The following SAXO4 variants were observed in gnomAD, a reference collection of about 807,000 sequenced individuals.
The protein encoded by SAXO4 is protein phosphatase 1 regulatory subunit 32.
chr11:61,482,885 C>G, the SAXO4 span: 1 of 1,442,608 alleles, frequency 6.9e-7, no homozygotes, highest in Non-Finnish European at 9.1e-7. Flanking sequence ...AACAGTTGGT[C>G]AAGGTGGAGG....
the SAXO4 span, chr11:61,482,053 C>T: frequency 1.4e-6 from 1 of 700,138 alleles, no homozygotes; most frequent in Non-Finnish European, 2.4e-6. Flanking sequence ...CTGGGCCCTG[C>T]CCGGCTGCTC....
the SAXO4 span, chr11:61,481,706 G>A: frequency 5.3e-6 from 3 of 564,786 alleles, no homozygotes; most frequent in East Asian, 3.4e-5. Flanking sequence ...TGTGGGTGGT[G>A]GGGGGCAGAT....
chr11:61,485,354 C>T, the SAXO4 span: 27 of 1,613,918 alleles, frequency 1.7e-5, no homozygotes, highest in Admixed American at 5.0e-5. Context: ...CGCTTCATGA[C>T]GTCGGAGTAC....
chr11:61,486,026 G>A, the SAXO4 span: 63 of 752,904 alleles, frequency 8.4e-5, no homozygotes, highest in South Asian at 1.7e-4. Context: ...AACACAAGAC[G>A]AAAGAGCTTA....
chr11:61,482,747 T>C, the SAXO4 span: 2 of 1,613,852 alleles, frequency 1.2e-6, no homozygotes, highest in East Asian at 2.2e-5. Context: ...CCCTGGAGCA[T>C]GCGCCAGACC....
At chr11:61,481,407 ATTCATTCCGAGAGGTGGGTATGTAAGG>A in the SAXO4 span, among the ~76,000 whole-genome samples, 1 of 152,132 alleles carries the variant, frequency 6.6e-6, no homozygotes. Context: ...TTGTCGGCTC[ATTCATTCCGAGAGGTGGGTATGTAAGG>A]TTCAGGTCAG....
chr11:61,489,829 G>A, the SAXO4 span: 7 of 1,613,818 alleles, frequency 4.3e-6, no homozygotes, highest in South Asian at 2.2e-5. Context: ...GGCTGGACTC[G>A]AGGTGGCATC....
the SAXO4 span, chr11:61,489,599 G>A: frequency 1.6e-6 from 1 of 638,618 alleles, no homozygotes; most frequent in South Asian, 1.8e-5. Context: ...TCAGGTGGAG[G>A]GGAGGGCAGG....
At chr11:61,482,664 C>A in the SAXO4 span, 1 of 1,614,064 alleles carries the variant, frequency 6.2e-7, no homozygotes, top group Non-Finnish European at 8.5e-7. Flanking sequence ...GGGAACAAGC[C>A]CAGGACCATT....
the SAXO4 span, chr11:61,485,312 C>T: frequency 1.2e-5 from 19 of 1,610,920 alleles, no homozygotes; most frequent in South Asian, 1.9e-4. Flanking sequence ...GTCAGTGCCC[C>T]CACTCCTCCA....
chr11:61,485,339 G>T, the SAXO4 span: 2 of 1,613,758 alleles, frequency 1.2e-6, no homozygotes, highest in African/African-American at 2.7e-5. Context: ...CTGTTCCAGG[G>T]CCCACGCTTC....
the SAXO4 span, chr11:61,486,956 T>A: frequency 1.2e-6 from 2 of 1,613,844 alleles, no homozygotes; most frequent in Non-Finnish European, 1.7e-6. Context: ...AGGTGCCCCC[T>A]CCCTGCCCAG....
At chr11:61,489,796 TC>T in the SAXO4 span, 1 of 1,613,704 alleles carries the variant, frequency 6.2e-7, no homozygotes, top group Non-Finnish European at 8.5e-7. Flanking sequence ...TTTGAGAACA[TC>T]CCCAAGGGTC....
At chr11:61,482,865 C>T in the SAXO4 span, 6 of 1,502,080 alleles carry the variant, frequency 4.0e-6, no homozygotes, top group Middle Eastern at 4.6e-4. Flanking sequence ...GGGGCTAGGG[C>T]TGCACTGCCA....
chr11:61,489,780 A>T, the SAXO4 span: 1 of 1,613,780 alleles, frequency 6.2e-7, no homozygotes, highest in Admixed American at 1.7e-5. Flanking sequence ...CCTCTCCTCC[A>T]GGTACTTTGA....
chr11:61,482,809 G>T, the SAXO4 span: 1 of 1,605,688 alleles, frequency 6.2e-7, no homozygotes, highest in Non-Finnish European at 8.5e-7. Context: ...CACCAAGGAG[G>T]TCAGTGCTGG....
chr11:61,484,914 A>G, the SAXO4 span: 1 of 1,420,138 alleles, frequency 7.0e-7, no homozygotes, highest in Non-Finnish European at 9.4e-7. Flanking sequence ...GACTCACCCA[A>G]GAAGCCAGCT....
At chr11:61,481,935 G>T in the SAXO4 span, 3 of 1,520,466 alleles carry the variant, frequency 2.0e-6, no homozygotes, top group African/African-American at 1.4e-5. Flanking sequence ...GTGCCTTTGC[G>T]CAGGAGCCTC....
chr11:61,481,921 G>A, the SAXO4 span: 5 of 1,576,144 alleles, frequency 3.2e-6, no homozygotes, highest in Non-Finnish European at 4.3e-6. Flanking sequence ...CGCCTACGGT[G>A]AGGGTGCCTT....
Sources: gnomAD v4.1 joint callset for allele counts (sites outside exome capture counted in the v4.1 genomes callset) on GRCh38, gnomAD v4.1.1 for gene constraint, MANE v1.5 for transcripts, NCBI Gene and HGNC (gene_info 2026-07-23, HGNC 2026-07-21) for gene names.